Variants in SOX5 observed in about 807,000 individuals in gnomAD.
SOX5 encodes the protein SRY-box transcription factor 5, also known as transcription factor SOX-5.
In SOX5, 9 loss-of-function variants were observed where a neutral mutation model predicts 92.0. That is an observed-to-expected ratio of 0.10 (90% CI 0.06 to 0.17). SOX5 has a LOEUF of 0.17. SOX5 is among the 10% of genes least tolerant of loss of function. The pLI is 1.00. For synonymous variants in SOX5, 344 were observed against 336.3 expected (o/e 1.02, Z -0.25); for missense variants, 642 against 944.5 (o/e 0.68, Z 4.20).
Position 23,970,841 on chromosome 12 carries a change from A to ATATATATATATATTTTTT in SOX5, c.-1-74818_-1-74817insAAAAAATATATATATATA. On this transcript the variant is annotated intron_variant, in intron 4 of 4. Coordinates refer to the SOX5 transcript ENST00000446891. ...ACATGGGACTTTATATATATATATAATTTTTTTTTTTTTTTAAGAAATGGG... is the reference window on the plus strand; with the variant it reads ...ACATGGGACTTTATATATATATATAATATATATATATATTTTTTTTTTTTTTTTTTTTTAAGAAATGGG... Among the ~76,000 whole-genome samples, 67 of 21,882 alleles carry ATATATATATATATTTTTT rather than the reference A, an allele frequency of 3.1e-3. 10 individuals carry two copies. Among genetic ancestry groups the ATATATATATATATTTTTT allele is most frequent in the East Asian group, 0.014 (16 of 1,156 alleles). The allele number at this position is 21,882 out of a possible 152,430, so 14.4% of individuals were successfully genotyped here. A position where few individuals can be genotyped will look rare whatever the true frequency, so the allele number is the denominator to read the frequency against.
chr12:23,751,970 T>C (rs993877631), intron 4 of SOX5, among the ~76,000 whole-genome samples: 1 of 150,158 alleles, frequency 6.7e-6, no homozygotes, highest in African/African-American at 2.5e-5. Context: ...GTAGAGAAAC[T>C]GGTCTAGAAT....
In SOX5 at chr12:23,534,511, T is replaced by C; in HGVS notation, c.2000A>G (p.Gln667Arg). 1.2e-6 allele frequency: 2 copies of C among 1,609,798 alleles called. No homozygotes were observed. The highest frequency in any genetic ancestry group is 4.5e-5 in the East Asian group (2 of 44,742). ...RQYFNVGQQA[Q>R]IPIATAGVVY... ...AACACCAGCAGTGGCAATGGGGATC[T>C]GTGCTTGTTGCCTGTCAAGAAAGGA... Residue 667 changes from glutamine (Q) to arginine (R), a missense_variant, in exon 15 of 15, where the codon CAG becomes CGG. Gln to Arg is a conservative substitution (Grantham distance 43). This residue lies in a region of SOX5 where 130 missense variants were observed against 140.6 expected (regional missense o/e 0.92). Coordinates refer to ENST00000451604, the MANE Select transcript of SOX5 (RefSeq NM_006940.6).
At chr12:24,027,592 T>TC (rs1955020158) in intron 4 of SOX5, among the ~76,000 whole-genome samples, 1 of 151,840 alleles carries the variant, frequency 6.6e-6, no homozygotes, top group South Asian at 2.1e-4. Flanking sequence ...GGATGGTAAC[T>TC]CCCCCTCTAC....
chr12:24,095,120 C>CAGAGAGAG (rs1442826677), intron 4 of SOX5, among the ~76,000 whole-genome samples: 126 of 102,114 alleles, frequency 1.2e-3, no homozygotes, highest in East Asian at 9.6e-3. Flanking sequence ...CACACACACA[C>CAGAGAGAG]ACACACACAG....
At chr12:24,027,137 C>A (rs1289601066) in intron 4 of SOX5, among the ~76,000 whole-genome samples, 5 of 152,038 alleles carry the variant, frequency 3.3e-5, no homozygotes, top group African/African-American at 9.7e-5. Flanking sequence ...AATACTCCTA[C>A]TTCTTCAAAA....
rs368023038 is a variant in SOX5 at position 24,090,974 on chromosome 12, C to T, written c.-2+122369G>A. Among the ~76,000 whole-genome samples, 73 of 152,304 alleles carry T rather than the reference C, an allele frequency of 4.8e-4. 1 individual carries two copies. Among genetic ancestry groups the T allele is most frequent in the African/African-American group, 1.7e-3 (69 of 41,576 alleles). On this transcript the variant is annotated intron_variant, in intron 4 of 4. Transcript: ENST00000446891. ...ACACCTTATGGAAAAACTTGAAAAA[C>T]ATTCCAATAAGCAAGAGTTCTGCTG...
At chr12:23,775,381 G>A (rs374003245) in intron 3 of SOX5, among the ~76,000 whole-genome samples, 1 of 152,094 alleles carries the variant, frequency 6.6e-6, no homozygotes, top group Non-Finnish European at 1.5e-5. Flanking sequence ...TATACCTAGC[G>A]AGGAAATAAG....
At chr12:23,923,825 A>G (rs1460057273) in intron 1 of SOX5, among the ~76,000 whole-genome samples, 1 of 152,094 alleles carries the variant, frequency 6.6e-6, no homozygotes, top group African/African-American at 2.4e-5. Context: ...ATGTCCTTTC[A>G]ACCCTATTCT....
chr12:23,926,090 T>C (rs990805425), intron 1 of SOX5, among the ~76,000 whole-genome samples: 11 of 152,126 alleles, frequency 7.2e-5, no homozygotes, highest in African/African-American at 2.2e-4. Flanking sequence ...TGGCTTGGTA[T>C]TTTAATTGCT....
chr12:23,943,132 A>G (rs915012620), intron 1 of SOX5, among the ~76,000 whole-genome samples: 3 of 152,002 alleles, frequency 2.0e-5, no homozygotes, highest in Admixed American at 2.0e-4. Context: ...GTTTACACAC[A>G]TTTTATAACT....
intron 7 of SOX5, among the ~76,000 whole-genome samples, chr12:23,661,338 T>G (rs2083021872): frequency 6.6e-6 from 1 of 152,146 alleles, no homozygotes; most frequent in Non-Finnish European, 1.5e-5. Context: ...CTCTAAAATA[T>G]GTACTCTAAA....
intron 2 of SOX5, among the ~76,000 whole-genome samples, chr12:24,357,614 G>A (rs934290658): frequency 2.0e-5 from 3 of 152,064 alleles, no homozygotes; most frequent in East Asian, 1.9e-4. Flanking sequence ...AGGCCGAGGC[G>A]GGTGGATTGC....
At chr12:24,375,445 G>A (rs571257613) in intron 1 of SOX5, among the ~76,000 whole-genome samples, 7 of 151,976 alleles carry the variant, frequency 4.6e-5, no homozygotes, top group African/African-American at 9.6e-5. Flanking sequence ...GGTCAGAAGC[G>A]AGAATAAGGC....
intron 4 of SOX5, among the ~76,000 whole-genome samples, chr12:24,075,198 C>CT (rs1569534365): frequency 6.8e-6 from 1 of 146,112 alleles, no homozygotes; most frequent in African/African-American, 2.5e-5. Context: ...GAGCCCAAAA[C>CT]TTTGAGGCTT....
At chr12:23,870,741 A>C (rs2096863612) in intron 2 of SOX5, among the ~76,000 whole-genome samples, 1 of 151,512 alleles carries the variant, frequency 6.6e-6, no homozygotes, top group Admixed American at 6.6e-5. Context: ...TGTATTCTAA[A>C]TTGGATTTGT....
At chr12:24,186,808 G>A (rs1338792674) in intron 4 of SOX5, among the ~76,000 whole-genome samples, 1 of 151,940 alleles carries the variant, frequency 6.6e-6, no homozygotes, top group African/African-American at 2.4e-5. Context: ...AAATCTTGCT[G>A]GTTATTTTCT....
chr12:24,195,156 A>G (rs754561985), intron 4 of SOX5, among the ~76,000 whole-genome samples: 8 of 151,404 alleles, frequency 5.3e-5, no homozygotes, highest in Non-Finnish European at 2.9e-5. Flanking sequence ...AAAAAACACG[A>G]GAAAAATATT....
At chr12:24,450,403 C>T (rs1054756527) in intron 1 of SOX5, among the ~76,000 whole-genome samples, 9 of 151,988 alleles carry the variant, frequency 5.9e-5, no homozygotes, top group Non-Finnish European at 1.0e-4. Context: ...TATTTTGATA[C>T]GGACATACAA....
intron 4 of SOX5, among the ~76,000 whole-genome samples, chr12:24,056,919 G>A (rs1958176682): frequency 7.7e-6 from 1 of 129,898 alleles, no homozygotes; most frequent in African/African-American, 2.9e-5. Flanking sequence ...AGCTTGCAGT[G>A]AGCCGAGATC....
Sources: gnomAD v4.1 joint callset for allele counts (sites outside exome capture counted in the v4.1 genomes callset) on GRCh38, gnomAD v4.1.1 for gene constraint, gnomAD v4.1.1 regional missense constraint, MANE v1.5 for transcripts, NCBI Gene and HGNC (gene_info 2026-07-23, HGNC 2026-07-21) for gene names.